Variants in PCSK4 observed in about 807,000 individuals in gnomAD.
PCSK4 encodes proprotein convertase subtilisin/kexin type 4, also known as testicular tissue protein Li 135.
A neutral mutation model predicts 80.3 loss-of-function variants in PCSK4; 64 were observed. The observed-to-expected ratio is 0.80, with a 90% CI of 0.65 to 0.98. PCSK4 has a LOEUF of 0.98. Among genes scored for constraint, PCSK4 ranks in the 50% least tolerant of loss-of-function variants. PCSK4 has a pLI of 0.00. For synonymous variants in PCSK4, 561 were observed against 487.6 expected (o/e 1.15, Z -1.98); for missense variants, 1,213 against 1,093.6 (o/e 1.11, Z -1.54).
In PCSK4 at chr19:1,482,960, C is replaced by T. The variant is rs1221372898; in HGVS notation, c.1632G>A (p.Trp544Ter). 3 of 1,612,496 alleles carry T rather than the reference C, an allele frequency of 1.9e-6. No homozygotes were observed. The East Asian group carries it at 6.7e-5, about 36-fold the overall frequency. The change falls in exon 13 of 15, where the codon TGG (tryptophan) becomes TGA (stop). Residue 544 changes from tryptophan (W) to a stop codon, truncating the protein, a stop_gained. Coordinates refer to ENST00000300954, the Ensembl canonical transcript of PCSK4. LOFTEE classifies it high-confidence loss of function. ...TCCACACGCCCTGTGGGTTCTCATC[C>T]CAGAAGTGGGTGGACATGAAGACCC...
At chr19:1,486,328 A>C (rs1339825753) in intron 8 of PCSK4, among the ~76,000 whole-genome samples, 3 of 137,264 alleles carry the variant, frequency 2.2e-5, no homozygotes, top group East Asian at 2.3e-4. Flanking sequence ...ACGGAGTCTC[A>C]CTCTGTCGCC....
intron 1 of PCSK4, 51 bp from the exon 2 acceptor site, chr19:1,489,948 A>C: frequency 6.4e-7 from 1 of 1,558,926 alleles, no homozygotes; most frequent in Non-Finnish European, 8.7e-7. Context: ...TCCCCTGCTG[A>C]AGCCCCCGAG....
rs1239800751 is a variant in PCSK4, at chr19:1,487,315, TG to T, written c.683-3del. The T allele has an allele frequency of 6.3e-7, 1 of 1,583,644 alleles. No homozygotes were observed. The highest frequency in any genetic ancestry group is 8.5e-7 in the Non-Finnish European group (1 of 1,170,010). ...TGGTACCGTCCAGCATCCGTACGCC[TG>T]CAGAGCCAGGGCGGGAGGGCCGCTG... On this transcript the variant is annotated splice_polypyrimidine_tract_variant and splice_region_variant and intron_variant, in intron 6 of 14. Coordinates refer to ENST00000300954, the Ensembl canonical transcript of PCSK4.
chr19:1,481,552 C>G (rs2084295572), exon 15 of PCSK4: 1 of 448,704 alleles, frequency 2.2e-6, no homozygotes, highest in East Asian at 3.2e-5. Flanking sequence ...CTCCCCCCAG[C>G]CCACTCCCGC....
chr19:1,489,596 G>T, intron 2 of PCSK4, 197 bp downstream of exon 2: 1 of 957,514 alleles, frequency 1.0e-6, no homozygotes, highest in East Asian at 2.7e-5. Flanking sequence ...TGTGTACCAG[G>T]CCCTGGCAGG....
At chr19:1,486,118 G>T (rs973220334) in intron 8 of PCSK4, among the ~76,000 whole-genome samples, 30 of 151,652 alleles carry the variant, frequency 2.0e-4, no homozygotes, top group South Asian at 1.5e-3. Flanking sequence ...GATTACAGGC[G>T]CCCGCCACCA....
intron 2 of PCSK4, 38 bp downstream of exon 2, chr19:1,489,755 G>A (rs1346927634): frequency 7.6e-6 from 12 of 1,577,710 alleles, no homozygotes; most frequent in Non-Finnish European, 9.5e-6. Context: ...AGGCAGCTGA[G>A]ACCCCGGGCA....
At chr19:1,490,209 G>A in exon 1 of PCSK4, 2 of 1,613,410 alleles carry the variant, frequency 1.2e-6, no homozygotes, top group Non-Finnish European at 1.7e-6. Flanking sequence ...CGACCTCCCG[G>A]TTACCCTGGG....
chr19:1,486,734 G>A (rs2084637824), intron 8 of PCSK4, 119 bp downstream of exon 8: 3 of 861,916 alleles, frequency 3.5e-6, no homozygotes, highest in Non-Finnish European at 5.4e-6. Flanking sequence ...GCTCGGCCTG[G>A]ATTTGCATTT....
At chr19:1,488,321 C>T in intron 2 of PCSK4, 41 bp from the exon 3 acceptor site, 1 of 1,512,250 alleles carries the variant, frequency 6.6e-7, no homozygotes, top group Non-Finnish European at 9.1e-7. Flanking sequence ...CCCTGCTCGC[C>T]CCTGGGGCCC....
intron 8 of PCSK4, among the ~76,000 whole-genome samples, chr19:1,484,796 TG>T (rs2145364951): frequency 6.7e-6 from 1 of 149,530 alleles, no homozygotes; most frequent in African/African-American, 2.5e-5. Flanking sequence ...CTGGGCAACA[TG>T]GCAAGACTCC....
chr19:1,482,063 G>A (rs1168220612), exon 15 of PCSK4: 2 of 1,555,916 alleles, frequency 1.3e-6, no homozygotes, highest in African/African-American at 1.4e-5. Flanking sequence ...GGTGTAGCAG[G>A]AGGCATGGCA....
At chr19:1,482,628 C>T (rs1344793756) in intron 13 of PCSK4, 153 bp from the exon 14 acceptor site, 2 of 976,368 alleles carry the variant, frequency 2.0e-6, no homozygotes, top group Non-Finnish European at 3.0e-6. Context: ...GTGCGCCTGT[C>T]ACTGGACACC....
chr19:1,481,590 T>TCC, exon 15 of PCSK4: 1 of 485,346 alleles, frequency 2.1e-6, no homozygotes, highest in Non-Finnish European at 3.6e-6. Context: ...AGGAGACTTC[T>TCC]CTCTCTCTCT....
intron 8 of PCSK4, among the ~76,000 whole-genome samples, chr19:1,486,203 T>C (rs927568924): frequency 3.3e-5 from 5 of 151,934 alleles, no homozygotes; most frequent in Admixed American, 6.6e-5. Context: ...TCCTGAACTC[T>C]TGACCTCAGG....
At position 1,488,237 on chromosome 19, in the gene PCSK4, C is replaced by T. The variant is rs772285344; in HGVS notation, c.338G>A (p.Arg113His). The T allele has an allele frequency of 2.3e-5, 37 of 1,611,658 alleles. No individual in the cohort carries two copies. The highest frequency in any genetic ancestry group is 2.0e-5 in the Non-Finnish European group (23 of 1,179,114). ...GGGGTCCGTGGGCACCACGACAGAG[C>T]GTTTCACCCGCCGCTGCAGCGTCTG... The change falls in exon 3 of 15, where the codon CGC (arginine) becomes CAC (histidine). Residue 113 changes from arginine (R) to histidine (H), a missense_variant. Arg to His is a conservative substitution (Grantham distance 29). Coordinates refer to ENST00000300954, the Ensembl canonical transcript of PCSK4.
rs530917494 is a variant in PCSK4, at chr19:1,488,715, G to T, written c.295-435C>A. Among the ~76,000 whole-genome samples, 6 of 152,152 alleles carry T rather than the reference G, an allele frequency of 3.9e-5. No individual in the cohort carries two copies. In the East Asian group the frequency reaches 1.2e-3, roughly 29 times the overall value. ...CCTACCTCAGCCTCCCAAGTAGCTG[G>T]GACTACAGGCGCACACCACCATGCC... On this transcript the variant is annotated intron_variant, in intron 2 of 14. Transcript: ENST00000300954.
rs1016174707 is a variant in PCSK4, at chr19:1,482,122, G to A, written c.1905C>T (p.Thr635=). The change falls in exon 15 of 15, where the codon ACC becomes ACT. Residue 635 remains threonine (T), a synonymous_variant. Coordinates refer to ENST00000300954, the Ensembl canonical transcript of PCSK4. ...GCGCCGCCGTGTGCCCAGGCCCAGCGGTCACCAGCCTTGTGTGGTTGAAGA... is the reference window on the plus strand; with the variant it reads ...GCGCCGCCGTGTGCCCAGGCCCAGCAGTCACCAGCCTTGTGTGGTTGAAGA... The A allele has an allele frequency of 7.1e-6, 11 of 1,554,596 alleles. No homozygotes were observed. The African/African-American group carries it at 1.1e-4, about 15-fold the overall frequency.
chr19:1,482,842 G>T (rs1335456599), intron 13 of PCSK4, 54 bp downstream of exon 13: 30 of 1,586,240 alleles, frequency 1.9e-5, no homozygotes, highest in Non-Finnish European at 8.6e-7. Context: ...CAGAGCCCCT[G>T]GGGGGAGGTT....
Sources: allele counts gnomAD v4.1 joint callset (sites outside exome capture counted in the v4.1 genomes callset), GRCh38; gene constraint gnomAD v4.1.1; transcripts MANE v1.5; gene names NCBI Gene and HGNC (gene_info 2026-07-23, HGNC 2026-07-21).